TRMT10B: variants seen among roughly 807,000 people sequenced by gnomAD.
TRMT10B encodes the protein tRNA methyltransferase 10 homolog B.
Under a neutral mutation model 43.8 loss-of-function variants are expected in TRMT10B, and 33 were observed. The observed-to-expected ratio is 0.75, with a 90% CI of 0.57 to 1.01. TRMT10B has a LOEUF of 1.01. TRMT10B is among the 50% of genes least tolerant of loss of function. The pLI, the probability that TRMT10B is intolerant of heterozygous loss-of-function variation, is 0.00. For missense variants in TRMT10B, 362 were observed against 369.8 expected, an observed-to-expected ratio of 0.98 and a Z score of 0.17; for synonymous variants, 137 against 130.6, an observed-to-expected ratio of 1.05 and a Z score of -0.34.
intron 5 of TRMT10B, 108 bp downstream of exon 5, chr9:37,768,336 C>T: frequency 6.2e-6 from 8 of 1,290,676 alleles, no homozygotes; most frequent in Non-Finnish European, 7.4e-6. Flanking sequence ...GTATTGAAGT[C>T]TAAAAAAATT....
Position 37,767,969 on chromosome 9 carries a change from G to T in TRMT10B, c.421-107G>T, listed in dbSNP as rs201508274. 7 of 1,235,556 alleles carry T rather than the reference G, an allele frequency of 5.7e-6. No homozygotes were observed. In the East Asian group the frequency reaches 1.6e-4, roughly 29 times the overall value. 76.5% of individuals were successfully genotyped at this position (1,235,556 alleles called of 1,614,324 possible). A position where few individuals can be genotyped will look rare whatever the true frequency, so the allele number is the denominator to read the frequency against. Reference sequence around the variant, plus strand: ...CGCACACATGTACTCCTAGTACATGGGGTTTTCTGGAGTAGCGTTCAGTGA... The same window carrying T: ...CGCACACATGTACTCCTAGTACATGTGGTTTTCTGGAGTAGCGTTCAGTGA... On this transcript the variant is annotated intron_variant, in intron 4 of 8. Coordinates refer to ENST00000297994, the MANE Select transcript of TRMT10B (RefSeq NM_144964.4).
intron 4 of TRMT10B, among the ~76,000 whole-genome samples, chr9:37,765,783 C>T (rs1826922861): frequency 6.6e-6 from 1 of 152,206 alleles, no homozygotes; most frequent in Non-Finnish European, 1.5e-5. Context: ...GCCATTCTAA[C>T]TGGTGTGAGG....
At position 37,776,466 on chromosome 9, in the gene TRMT10B, TG is replaced by T. The variant is rs1334919750; in HGVS notation, c.844+62del. ...GTTCTGGTGCTGCTGCTTTGCACTG[TG>T]TTTAAGTGGCCTTTGAGTCAGTCTC... On this transcript the variant is annotated intron_variant, in intron 8 of 8. Transcript: ENST00000297994. The T allele has an allele frequency of 2.6e-6, 4 of 1,521,362 alleles. No homozygotes were observed. The African/African-American group carries it at 5.6e-5, about 21-fold the overall frequency. 94.2% of individuals were successfully genotyped at this position (1,521,362 alleles called of 1,614,324 possible). A position where few individuals can be genotyped will look rare whatever the true frequency, so the allele number is the denominator to read the frequency against.
At chr9:37,756,824 G>GCA (rs1164620248) in intron 1 of TRMT10B, among the ~76,000 whole-genome samples, 1 of 151,230 alleles carries the variant, frequency 6.6e-6, no homozygotes, top group African/African-American at 2.4e-5. Context: ...GCATATGTGT[G>GCA]TATGCGTGTG....
intron 1 of TRMT10B, among the ~76,000 whole-genome samples, 185 bp downstream of exon 1, chr9:37,754,037 G>A (rs546745802): frequency 2.6e-5 from 4 of 152,350 alleles, no homozygotes; most frequent in South Asian, 2.1e-4. Flanking sequence ...CTGTGGGCCG[G>A]GAGAGACCCG....
At chr9:37,771,065 G>C (rs1827518650) in intron 7 of TRMT10B, among the ~76,000 whole-genome samples, 1 of 152,174 alleles carries the variant, frequency 6.6e-6, no homozygotes, top group Admixed American at 6.5e-5. Context: ...GCTGTTCTTT[G>C]AGGGAGTAGT....
At chr9:37,775,325 T>C (rs745657881) in intron 7 of TRMT10B, among the ~76,000 whole-genome samples, 3 of 146,682 alleles carry the variant, frequency 2.0e-5, no homozygotes, top group Non-Finnish European at 4.4e-5. Context: ...ATCTGAACCT[T>C]TCTCTTTAAT....
At position 37,762,597 on chromosome 9, in the gene TRMT10B, G is replaced by A; in HGVS notation, c.207G>A (p.Gln69=). 2 of 1,594,810 alleles carry A rather than the reference G, an allele frequency of 1.3e-6. No homozygotes were observed. The highest frequency in any genetic ancestry group is 8.5e-7 in the Non-Finnish European group (1 of 1,169,958). ...AWCSKNVQRK[Q]RHWEKIVAAK... ...ATAAGAAAAATGTCCAGAGAAAACA[G>A]AGACACTGGGAAAAGATAGTTGCAG... is the stretch of plus-strand genomic sequence containing the variant. The change falls in exon 3 of 9, where the codon CAG becomes CAA. Residue 69 remains glutamine, a synonymous_variant. Transcript: ENST00000297994.
At chr9:37,752,984 C>G (rs1459856457), upstream of TRMT10B, among the ~76,000 whole-genome samples, 1 of 152,066 alleles carries the variant, frequency 6.6e-6, no homozygotes, top group Non-Finnish European at 1.5e-5. Context: ...CCTTTGGGTC[C>G]CTACTGTCTT....
intron 7 of TRMT10B, among the ~76,000 whole-genome samples, chr9:37,773,392 A>T (rs1043632737): frequency 6.6e-6 from 1 of 152,034 alleles, no homozygotes; most frequent in Non-Finnish European, 1.5e-5. Flanking sequence ...AAACACTGGG[A>T]TTACAGGCAT....
chr9:37,753,508 A>G (rs931957833), upstream of TRMT10B, among the ~76,000 whole-genome samples: 5 of 148,802 alleles, frequency 3.4e-5, no homozygotes, highest in Admixed American at 2.7e-4. Context: ...TTTTTGCTTC[A>G]CACACCCCAG....
At chr9:37,756,804 A>C (rs914112787) in intron 1 of TRMT10B, among the ~76,000 whole-genome samples, 1 of 144,798 alleles carries the variant, frequency 6.9e-6, no homozygotes, top group African/African-American at 2.6e-5. Context: ...GTGTATGTGT[A>C]TATATGTGTG....
Position 37,756,725 on chromosome 9 carries a change from G to GATATAT in TRMT10B, c.-30+2885_-30+2890dup, listed in dbSNP as rs140692484. On this transcript the variant is annotated intron_variant, in intron 1 of 8. Transcript: ENST00000297994. ...CAGAGCAAGACTCTCATCTCAAAAA[G>GATATAT]ATATATATATATATATACACACACA... Among the ~76,000 whole-genome samples, 584 of 147,170 alleles carry GATATAT rather than the reference G, an allele frequency of 4.0e-3. 1 individual carries two copies. The highest frequency in any genetic ancestry group is 0.012 in the African/African-American group (483 of 39,870).
Position 37,777,627 on chromosome 9 carries a change from G to GA in TRMT10B, c.872dup (p.Thr292AspfsTer6). On this transcript the variant is annotated frameshift_variant, in exon 9 of 9. Coordinates refer to ENST00000297994, the MANE Select transcript of TRMT10B (RefSeq NM_144964.4). LOFTEE classifies it high-confidence loss of function. The stretch of plus-strand genomic sequence containing the variant: ...GTTTGATATCCTGTCCACTTACTTA[G>GA]AGACTCACAACTGGCCTGAAGCATT... 6.2e-7 allele frequency: 1 copy of GA among 1,613,872 alleles called. No homozygotes were observed. The highest frequency in any genetic ancestry group is 8.5e-7 in the Non-Finnish European group (1 of 1,179,924).
intron 8 of TRMT10B, 50 bp from the exon 9 acceptor site, chr9:37,777,551 T>C: frequency 1.4e-6 from 2 of 1,426,662 alleles, no homozygotes; most frequent in Non-Finnish European, 2.0e-6. Context: ...CATTTACTCG[T>C]TCTTTTTTTC....
At position 37,756,410 on chromosome 9, in the gene TRMT10B, TAAA is replaced by T. The variant is rs10709633; in HGVS notation, c.-30+2569_-30+2571del. Among the ~76,000 whole-genome samples the T allele has an allele frequency of 4.2e-4, 62 of 148,088 alleles. 1 individual carries two copies. The highest frequency in any genetic ancestry group is 1.5e-3 in the South Asian group (7 of 4,636). On this transcript the variant is annotated intron_variant, in intron 1 of 8. Transcript: ENST00000297994. ...AATGGGGGTCTAGATATCTTTTGTT[TAAA>T]AAAAAAAAAATGGCTGGGTGCGGTG...
At chr9:37,763,959 G>A in intron 4 of TRMT10B, 1 of 954,610 alleles carries the variant, frequency 1.0e-6, no homozygotes, top group Non-Finnish European at 1.5e-6. Flanking sequence ...GGTTTAGTTT[G>A]CAAATTTTTA....
At chr9:37,776,237 CAT>C (rs1828128232) in intron 7 of TRMT10B, 43 bp from the exon 8 acceptor site, 1 of 1,376,448 alleles carries the variant, frequency 7.3e-7, no homozygotes, top group African/African-American at 1.5e-5. Flanking sequence ...AGAATATACT[CAT>C]GTATAATTTT....
intron 6 of TRMT10B, 89 bp downstream of exon 6, chr9:37,770,108 A>G: frequency 8.6e-7 from 1 of 1,164,396 alleles, no homozygotes. Context: ...CCCCTCAAGA[A>G]GGACACCCCT....
Sources: allele counts gnomAD v4.1 joint callset (sites outside exome capture counted in the v4.1 genomes callset), GRCh38; gene constraint gnomAD v4.1.1; transcripts MANE v1.5; gene names NCBI Gene and HGNC (gene_info 2026-07-23, HGNC 2026-07-21).